The following SYK variants were observed in gnomAD, a reference collection of about 807,000 sequenced individuals.
SYK encodes spleen associated tyrosine kinase, also known as tyrosine-protein kinase SYK.
In SYK, 16 loss-of-function variants were observed where a neutral mutation model predicts 77.8. That is an observed-to-expected ratio of 0.21 (90% CI 0.14 to 0.31). SYK has a LOEUF of 0.31. Ranked by LOEUF, SYK falls within the 10% of genes least tolerant of loss-of-function variation. The pLI, the probability that SYK is intolerant of heterozygous loss-of-function variation, is 1.00. For synonymous variants in SYK, 312 were observed against 308.7 expected (o/e 1.01, Z -0.11); for missense variants, 529 against 814.4 (o/e 0.65, Z 4.26).
intron 1 of SYK, among the ~76,000 whole-genome samples, chr9:90,829,822 C>T (rs1297814429): frequency 2.0e-5 from 3 of 152,108 alleles, no homozygotes; most frequent in Admixed American, 1.3e-4. Flanking sequence ...AATGTTAACA[C>T]CAAAGCGTAA....
chr9:90,854,186 T>C (rs1028382474), intron 3 of SYK, among the ~76,000 whole-genome samples: 5 of 152,322 alleles, frequency 3.3e-5, no homozygotes, highest in South Asian at 2.1e-4. Flanking sequence ...GATTGGCACG[T>C]GGCTGCCCCA....
At chr9:90,855,189 C>T (rs1826981467) in intron 3 of SYK, among the ~76,000 whole-genome samples, 1 of 152,190 alleles carries the variant, frequency 6.6e-6, no homozygotes, top group Non-Finnish European at 1.5e-5. Context: ...TCTTTAGGAA[C>T]TGTCTCAATT....
chr9:90,837,895 T>G (rs958752630), intron 1 of SYK, among the ~76,000 whole-genome samples: 2 of 152,240 alleles, frequency 1.3e-5, no homozygotes, highest in African/African-American at 4.8e-5. Flanking sequence ...CACAAGCTCA[T>G]GGCTTCCCTG....
At chr9:90,851,414 G>T (rs1012631744) in intron 3 of SYK, among the ~76,000 whole-genome samples, 3 of 152,176 alleles carry the variant, frequency 2.0e-5, no homozygotes, top group Non-Finnish European at 4.4e-5. Context: ...TATAAACAGA[G>T]GCTCTTTGTG....
rs201994789 is a variant in SYK at position 90,865,096 on chromosome 9, C to T, written c.845C>T (p.Ala282Val). 3.3e-5 allele frequency: 53 copies of T among 1,613,634 alleles called. No individual in the cohort carries two copies. The highest frequency in any genetic ancestry group is 2.3e-5 in the Non-Finnish European group (27 of 1,179,706). ...GRPQLPGSHP[A>V]TWSAGGIISR... ...CCACAACTTCCAGGTTCCCATCCTGCGGTAAGTGTCACTAGGAATACCACT... is the reference window on the plus strand; with the variant it reads ...CCACAACTTCCAGGTTCCCATCCTGTGGTAAGTGTCACTAGGAATACCACT... Residue 282 changes from alanine (A) to valine (V), a missense_variant and splice_region_variant, in exon 6 of 14, where the codon GCG becomes GTG. By Grantham distance (64) the Ala-to-Val change is moderately conservative. Around this residue, in one of 2 missense-constraint regions of SYK, gnomAD observed 321 missense variants for 433.1 expected, o/e 0.74. Coordinates refer to ENST00000375754, the MANE Select transcript of SYK (RefSeq NM_003177.7).
At chr9:90,822,334 G>T (rs1425288129) in intron 1 of SYK, among the ~76,000 whole-genome samples, 2 of 152,050 alleles carry the variant, frequency 1.3e-5, no homozygotes, top group East Asian at 1.9e-4. Context: ...GATGTGACTG[G>T]CACTGTTTTG....
Position 90,860,281 on chromosome 9 carries a change from C to T in SYK, c.579-1925C>T, listed in dbSNP as rs181768065. On this transcript the variant is annotated intron_variant, in intron 3 of 13. Transcript: ENST00000375754. The stretch of plus-strand genomic sequence containing the variant: ...CAACTTTTATAGGCATATGCATCCA[C>T]TCTTACTGCTGTAGTATTTGGATAG... Among the ~76,000 whole-genome samples the T allele has an allele frequency of 2.4e-4, 36 of 152,364 alleles. 1 individual carries two copies. Among genetic ancestry groups the T allele is most frequent in the Non-Finnish European group, 4.4e-5 (3 of 68,036 alleles).
chr9:90,882,511 C>G (rs1013887177), intron 11 of SYK, among the ~76,000 whole-genome samples: 2 of 152,194 alleles, frequency 1.3e-5, no homozygotes, highest in African/African-American at 4.8e-5. Context: ...AATCCCAAAC[C>G]CAGAGAGAGG....
intron 6 of SYK, 31 bp from the exon 7 acceptor site, chr9:90,867,100 T>C (rs753812692): frequency 1.9e-6 from 3 of 1,612,940 alleles, no homozygotes; most frequent in Non-Finnish European, 2.5e-6. Flanking sequence ...CTGAAACATT[T>C]ACTGTTCCTC....
At chr9:90,817,880 T>TGAGAGAGA (rs1345424955) in intron 1 of SYK, among the ~76,000 whole-genome samples, 1 of 60,876 alleles carries the variant, frequency 1.6e-5, no homozygotes, top group African/African-American at 6.3e-5. Flanking sequence ...TGTGTGTGTG[T>TGAGAGAGA]GTGAGAGAGA....
chr9:90,872,438 G>T (rs1034292657), intron 7 of SYK, among the ~76,000 whole-genome samples: 4 of 152,122 alleles, frequency 2.6e-5, no homozygotes, highest in Non-Finnish European at 4.4e-5. Flanking sequence ...CCTTGAAAGA[G>T]ACTTTAAAAA....
chr9:90,820,546 G>A (rs949355771), intron 1 of SYK, among the ~76,000 whole-genome samples: 5 of 152,280 alleles, frequency 3.3e-5, no homozygotes, highest in Non-Finnish European at 5.9e-5. Context: ...TGAGCTCTAC[G>A]GTGGCCCCTT....
At position 90,864,461 on chromosome 9, in the gene SYK, G is replaced by A. The variant is rs1827395472; in HGVS notation, c.718-128G>A. On this transcript the variant is annotated intron_variant, in intron 4 of 13. Transcript: ENST00000375754. Reference sequence around the variant, plus strand: ...AGCCACCCTTGTGGAGTGGACTTAAGCACATAAAAGCATTTATGTGTCTTG... The same window carrying A: ...AGCCACCCTTGTGGAGTGGACTTAAACACATAAAAGCATTTATGTGTCTTG... 1.1e-5 allele frequency: 8 copies of A among 754,316 alleles called. No individual in the cohort carries two copies. The Admixed American group carries it at 1.4e-4, about 13-fold the overall frequency. 46.7% of individuals were successfully genotyped at this position (754,316 alleles called of 1,614,324 possible).
chr9:90,865,202 C>T lies in SYK; in HGVS notation c.846+105C>T, dbSNP rs4744516. 0.42 allele frequency: 479,797 copies of T among 1,151,070 alleles called. 103,781 individuals are homozygous for T. The highest frequency in any genetic ancestry group is 0.56 in the Admixed American group (31,890 of 56,718). 71.3% of individuals were successfully genotyped at this position (1,151,070 alleles called of 1,614,324 possible). A position where few individuals can be genotyped will look rare whatever the true frequency, so the allele number is the denominator to read the frequency against. ...GTAGTAGGCATTGATATTTTGATTG[C>T]GCTTCAAAACATACTCCGTGATGAG... is the stretch of plus-strand genomic sequence containing the variant. On this transcript the variant is annotated intron_variant, in intron 6 of 13. Coordinates refer to ENST00000375754, the MANE Select transcript of SYK (RefSeq NM_003177.7).
chr9:90,865,176 A>C, intron 6 of SYK, 79 bp downstream of exon 6: 1 of 1,382,620 alleles, frequency 7.2e-7, no homozygotes, highest in Non-Finnish European at 1.0e-6. Flanking sequence ...AGCTAACAGG[A>C]GTAGTAGGCA....
chr9:90,824,777 G>A (rs567362640), intron 1 of SYK, among the ~76,000 whole-genome samples: 2 of 151,524 alleles, frequency 1.3e-5, no homozygotes, highest in Non-Finnish European at 2.9e-5. Context: ...CATACTTAAT[G>A]GTGAGAGACT....
intron 1 of SYK, among the ~76,000 whole-genome samples, chr9:90,842,756 AGAGTGTGTGTGTGT>A (rs1317490708): frequency 9.7e-5 from 14 of 143,740 alleles, no homozygotes; most frequent in East Asian, 4.1e-4. Context: ...TGGTATGGAG[AGAGTGTGTGTGTGT>A]GTGTGTGTGT....
chr9:90,847,447 T>C (rs2118665390), intron 3 of SYK, among the ~76,000 whole-genome samples: 1 of 149,564 alleles, frequency 6.7e-6, no homozygotes, highest in East Asian at 2.1e-4. Flanking sequence ...CCACTTTATA[T>C]TGCAGTTGTC....
At chr9:90,875,008 C>T (rs1827873811) in intron 9 of SYK, among the ~76,000 whole-genome samples, 159 bp downstream of exon 9, 1 of 152,048 alleles carries the variant, frequency 6.6e-6, no homozygotes, top group Non-Finnish European at 1.5e-5. Context: ...GCGTCCATTA[C>T]CTTTAATGGC....
Sources: allele counts gnomAD v4.1 joint callset (sites outside exome capture counted in the v4.1 genomes callset), GRCh38; gene constraint gnomAD v4.1.1; regional missense constraint gnomAD v4.1.1; transcripts MANE v1.5; gene names NCBI Gene and HGNC (gene_info 2026-07-23, HGNC 2026-07-21).